Variants in WDR20 observed in about 807,000 individuals in gnomAD.
WDR20 encodes WD repeat domain 20, also known as WD repeat-containing protein 20.
A neutral mutation model predicts 38.7 loss-of-function variants in WDR20; 3 were observed. That is an observed-to-expected ratio of 0.08 (90% CI 0.04 to 0.20). The LOEUF (loss-of-function observed/expected upper bound fraction) is 0.20, where lower values mean the gene tolerates loss of function less well. Ranked by LOEUF, WDR20 falls within the 10% of genes least tolerant of loss-of-function variation. WDR20 has a pLI of 1.00. For synonymous variants in WDR20, 298 were observed against 285.6 expected (o/e 1.04, Z -0.44); for missense variants, 559 against 727.7 (o/e 0.77, Z 2.67).
chr14:102,202,679 C>G (rs754553505), intron 2 of WDR20, among the ~76,000 whole-genome samples: 2 of 152,072 alleles, frequency 1.3e-5, no homozygotes, highest in Non-Finnish European at 2.9e-5. Context: ...TGCGCCGGGC[C>G]TGTACGGAGG....
chr14:102,164,415 T>C (rs1270919102), intron 1 of WDR20, among the ~76,000 whole-genome samples: 2 of 152,242 alleles, frequency 1.3e-5, no homozygotes, highest in South Asian at 2.1e-4. Flanking sequence ...TCTCCTCTAG[T>C]CCACCTCTGG....
intron 1 of WDR20, 68 bp from the exon 2 acceptor site, chr14:102,194,870 G>C: frequency 2.7e-6 from 4 of 1,476,112 alleles, no homozygotes; most frequent in Non-Finnish European, 3.7e-6. Flanking sequence ...GGAGTATAAA[G>C]TAGCATAACT....
At chr14:102,169,201 T>C (rs1309275933) in intron 1 of WDR20, among the ~76,000 whole-genome samples, 3 of 151,968 alleles carry the variant, frequency 2.0e-5, no homozygotes, top group African/African-American at 7.2e-5. Flanking sequence ...CTGCTTAGAA[T>C]CCCCTCCCCA....
At chr14:102,212,984 C>G (rs545963800), downstream of WDR20, 2 of 1,001,242 alleles carry the variant, frequency 2.0e-6, no homozygotes, top group African/African-American at 3.4e-5. Context: ...AGACGAAAGT[C>G]AGGTGCACGC....
chr14:102,144,572 A>G (rs75529140), intron 1 of WDR20, among the ~76,000 whole-genome samples: 6,801 of 152,082 alleles, frequency 0.045, 179 homozygotes, highest in Middle Eastern at 0.068. Context: ...CTCTCATTTT[A>G]TGGACATCTG....
At chr14:102,189,276 T>C (rs919954940) in intron 1 of WDR20, among the ~76,000 whole-genome samples, 27 of 152,278 alleles carry the variant, frequency 1.8e-4, no homozygotes, top group African/African-American at 6.3e-4. Flanking sequence ...CATTTAAAAA[T>C]GTTTACTTAC....
At chr14:102,169,051 T>TC in intron 1 of WDR20, among the ~76,000 whole-genome samples, 1 of 152,286 alleles carries the variant, frequency 6.6e-6, no homozygotes, top group African/African-American at 2.4e-5. Context: ...GCTTTTCCCC[T>TC]CCCCGATTCC....
downstream of WDR20, among the ~76,000 whole-genome samples, chr14:102,224,080 T>G (rs201302994): frequency 2.0e-5 from 3 of 149,976 alleles, no homozygotes; most frequent in African/African-American, 5.0e-5. Flanking sequence ...CTCCCTCTGT[T>G]GTCCAGGCTG....
intron 1 of WDR20, among the ~76,000 whole-genome samples, chr14:102,158,279 C>CTG (rs879857194): frequency 1.3e-5 from 2 of 152,124 alleles, no homozygotes; most frequent in Non-Finnish European, 2.9e-5. Flanking sequence ...TTGCACCACA[C>CTG]TGACCCCACC....
rs564408821 is a variant in WDR20 at position 102,196,185 on chromosome 14, T to G, written c.432+1065T>G. Among the ~76,000 whole-genome samples, 10 of 152,354 alleles carry G rather than the reference T, an allele frequency of 6.6e-5. No individual in the cohort carries two copies. The South Asian group carries it at 2.1e-3, about 32-fold the overall frequency. On this transcript the variant is annotated intron_variant, in intron 2 of 2. Transcript: ENST00000342702. ...AATCAGTATCCACCCAGGGTGCTCC[T>G]GTTTGACATTGCCAGTGGATTTGAT...
upstream of WDR20, chr14:102,139,705 C>A (rs938659225): frequency 4.1e-5 from 29 of 707,168 alleles, no homozygotes; most frequent in African/African-American, 2.5e-4. Flanking sequence ...AGCCTGCGGA[C>A]GCCCAGTCGG....
At chr14:102,193,743 A>G (rs2058938025) in intron 1 of WDR20, among the ~76,000 whole-genome samples, 1 of 152,238 alleles carries the variant, frequency 6.6e-6, no homozygotes, top group Admixed American at 6.5e-5. Context: ...CTTTGGAAGA[A>G]AGAAATCTTC....
rs1428373928 is a variant in WDR20, at chr14:102,207,480, C to T, written c.433-1123C>T. Among the ~76,000 whole-genome samples the T allele has an allele frequency of 6.6e-6, 1 of 152,242 alleles. No homozygotes were observed. The highest frequency in any genetic ancestry group is 1.5e-5 in the Non-Finnish European group (1 of 68,044). ...CTGTGTGCCCAGTACCCCTCTGAGACTTGAGTCAGGGACTCCCCACCTGTT... is the reference window on the plus strand; with the variant it reads ...CTGTGTGCCCAGTACCCCTCTGAGATTTGAGTCAGGGACTCCCCACCTGTT... On this transcript the variant is annotated intron_variant, in intron 2 of 2. Coordinates refer to ENST00000342702, the MANE Select transcript of WDR20 (RefSeq NM_144574.4). This position sits in a 1 kb window ranked among gnomAD's most constrained non-coding sequence, Gnocchi z 5.0.
chr14:102,173,573 C>T (rs2061441842), intron 1 of WDR20, among the ~76,000 whole-genome samples: 1 of 151,520 alleles, frequency 6.6e-6, no homozygotes, highest in Non-Finnish European at 1.5e-5. Context: ...CAGCCATCAC[C>T]TGAGCGGTGT....
chr14:102,158,925 CTT>C (rs921068270), intron 1 of WDR20, among the ~76,000 whole-genome samples: 4 of 151,972 alleles, frequency 2.6e-5, no homozygotes, highest in African/African-American at 9.7e-5. Flanking sequence ...GGGAGAGACT[CTT>C]TCTGACACCC....
chr14:102,201,573 A>G (rs74082253), intron 2 of WDR20, among the ~76,000 whole-genome samples: 2,706 of 152,198 alleles, frequency 0.018, 86 homozygotes, highest in African/African-American at 0.063. Flanking sequence ...TTCATATCTT[A>G]AGTGGCACGG....
At chr14:102,189,267 A>G (rs1288503127) in intron 1 of WDR20, among the ~76,000 whole-genome samples, 1 of 152,152 alleles carries the variant, frequency 6.6e-6, no homozygotes, top group East Asian at 1.9e-4. Flanking sequence ...GAAGTATTAC[A>G]TTTAAAAATG....
intron 2 of WDR20, among the ~76,000 whole-genome samples, chr14:102,199,633 G>A (rs1335659821): frequency 1.3e-5 from 2 of 152,040 alleles, no homozygotes; most frequent in Non-Finnish European, 2.9e-5. Flanking sequence ...TTCACACACC[G>A]AATCCCCAGC....
chr14:102,142,776 T>G (rs77758436), intron 1 of WDR20, among the ~76,000 whole-genome samples: 36 of 120,148 alleles, frequency 3.0e-4, no homozygotes, highest in African/African-American at 1.4e-3. Flanking sequence ...TGTTTTGACT[T>G]TTTTTTTTTT....
Sources: allele counts gnomAD v4.1 joint callset (sites outside exome capture counted in the v4.1 genomes callset), GRCh38; gene constraint gnomAD v4.1.1; non-coding constraint Gnocchi (gnomAD v3.1); transcripts MANE v1.5; gene names NCBI Gene and HGNC (gene_info 2026-07-23, HGNC 2026-07-21).